TMTC2: variants seen among roughly 807,000 people sequenced by gnomAD.
The protein encoded by TMTC2 is transmembrane O-mannosyltransferase targeting cadherins 2.
In TMTC2, 43 loss-of-function variants were observed where a neutral mutation model predicts 82.4. The ratio of observed to expected loss-of-function variants is 0.52; its 90% CI spans 0.41 to 0.67. The LOEUF is 0.67. TMTC2 is among the 30% of genes least tolerant of loss of function. The pLI is 0.00. For missense variants in TMTC2, 919 were observed against 1,012.4 expected, an observed-to-expected ratio of 0.91 and a Z score of 1.25; for synonymous variants, 408 against 381.9, an observed-to-expected ratio of 1.07 and a Z score of -0.80.
chr12:82,914,891 T>A (rs113952910), intron 3 of TMTC2, among the ~76,000 whole-genome samples: 2 of 149,364 alleles, frequency 1.3e-5, no homozygotes, highest in African/African-American at 4.9e-5. Context: ...AATAGTGCGA[T>A]CTTGGCTCAC....
rs73368058 is a variant in TMTC2 at position 83,108,111 on chromosome 12, T to C, written c.2332-24099T>C. Reference sequence around the variant, plus strand: ...GAGGCCTCCCCAGCCGTGCTTTTTATACAGCCTATAGAACCATGAGCCAAT... The same window carrying C: ...GAGGCCTCCCCAGCCGTGCTTTTTACACAGCCTATAGAACCATGAGCCAAT... On this transcript the variant is annotated intron_variant, in intron 11 of 11. Coordinates refer to ENST00000321196, the MANE Select transcript of TMTC2 (RefSeq NM_152588.3). Among the ~76,000 whole-genome samples the C allele has an allele frequency of 4.1e-3, 618 of 152,292 alleles. 8 individuals are homozygous for C. The highest frequency in any genetic ancestry group is 0.014 in the African/African-American group (592 of 41,556).
rs117177038 is a variant in TMTC2, at chr12:83,011,607, A to C, written c.2071-19191A>C. Among the ~76,000 whole-genome samples, 5 of 152,332 alleles carry C rather than the reference A, an allele frequency of 3.3e-5. No homozygotes were observed. The East Asian group carries it at 7.7e-4, about 23-fold the overall frequency. Reference sequence around the variant, plus strand: ...TTGCCCACAGTATTAAACTTACAGTAACTCCCTAAGTATGTTCCATTCACT... The same window carrying C: ...TTGCCCACAGTATTAAACTTACAGTCACTCCCTAAGTATGTTCCATTCACT... On this transcript the variant is annotated intron_variant, in intron 8 of 11. Transcript: ENST00000321196.
chr12:82,977,500 T>G (rs1454186948), intron 7 of TMTC2, among the ~76,000 whole-genome samples: 1 of 151,800 alleles, frequency 6.6e-6, no homozygotes, highest in Non-Finnish European at 1.5e-5. Flanking sequence ...GGAAGGAAAT[T>G]TGTATAATAG....
At chr12:82,707,116 A>G (rs896102302) in intron 1 of TMTC2, among the ~76,000 whole-genome samples, 4 of 152,222 alleles carry the variant, frequency 2.6e-5, no homozygotes, top group African/African-American at 9.6e-5. Context: ...TATAAACAAC[A>G]GGAATTGATT....
intron 1 of TMTC2, among the ~76,000 whole-genome samples, chr12:82,781,167 A>C (rs530770591): frequency 3.3e-4 from 50 of 152,218 alleles, no homozygotes; most frequent in African/African-American, 1.2e-3. Flanking sequence ...ACAACAAACA[A>C]AATAGGACAC....
intron 1 of TMTC2, among the ~76,000 whole-genome samples, chr12:82,766,004 T>A (rs1303844698): frequency 6.6e-6 from 1 of 152,166 alleles, no homozygotes; most frequent in African/African-American, 2.4e-5. Context: ...TGTATTGCCA[T>A]TTTAAGCCAA....
At chr12:82,793,666 G>A (rs934470857) in intron 1 of TMTC2, among the ~76,000 whole-genome samples, 11 of 152,060 alleles carry the variant, frequency 7.2e-5, no homozygotes, top group Non-Finnish European at 1.5e-4. Flanking sequence ...CCTTCTTCCC[G>A]TGCTGTTAGA....
chr12:83,076,589 G>A (rs983562639), intron 11 of TMTC2, among the ~76,000 whole-genome samples: 5 of 152,176 alleles, frequency 3.3e-5, no homozygotes, highest in Non-Finnish European at 7.3e-5. Flanking sequence ...GTGACTAGTG[G>A]CTGTCAACTT....
At chr12:82,925,495 G>C (rs1875647425) in intron 3 of TMTC2, among the ~76,000 whole-genome samples, 1 of 152,072 alleles carries the variant, frequency 6.6e-6, no homozygotes. Context: ...TTACTTTTTT[G>C]TGCTTCTCAG....
intron 3 of TMTC2, among the ~76,000 whole-genome samples, chr12:82,911,784 A>G (rs1478024966): frequency 1.3e-5 from 2 of 151,722 alleles, no homozygotes; most frequent in African/African-American, 2.4e-5. Flanking sequence ...TAAGTTTTGT[A>G]TTTTTAGTAG....
rs775090401 is a variant in TMTC2, at chr12:82,985,993, A to G, written c.2017A>G (p.Lys673Glu). The stretch of plus-strand genomic sequence containing the variant: ...TTGGTATATGGAATCACTGAGATCC[A>G]AGACTGACCACATCCCTGCTCATCT... ...EHWYMESLRS[K>E]TDHIPAHLTY... The change falls in exon 8 of 12, where the codon AAG becomes GAG. Residue 673 changes from lysine to glutamate, a missense_variant. Physicochemically the swap from Lys to Glu is moderately conservative, Grantham distance 56. Transcript: ENST00000321196. The G allele has an allele frequency of 6.2e-7, 1 of 1,614,046 alleles. No homozygotes were observed. Among genetic ancestry groups the G allele is most frequent in the Non-Finnish European group, 8.5e-7 (1 of 1,179,938 alleles).
At chr12:82,943,269 G>C (rs895049832) in intron 4 of TMTC2, among the ~76,000 whole-genome samples, 1 of 152,164 alleles carries the variant, frequency 6.6e-6, no homozygotes, top group Non-Finnish European at 1.5e-5. Flanking sequence ...AATCCAAGTA[G>C]TATTGGATGA....
At chr12:82,888,051 C>T (rs61931362) in intron 2 of TMTC2, among the ~76,000 whole-genome samples, 13,131 of 151,674 alleles carry the variant, frequency 0.087, 708 homozygotes, top group Admixed American at 0.12. Context: ...TGCATTCCAG[C>T]CTGGGTAACA....
At chr12:82,858,217 A>G (rs1871355714) in intron 2 of TMTC2, among the ~76,000 whole-genome samples, 2 of 152,352 alleles carry the variant, frequency 1.3e-5, no homozygotes, top group South Asian at 2.1e-4. Flanking sequence ...AGTGGTATCC[A>G]GTACAAAGTT....
chr12:82,818,866 C>A (rs776484257), intron 1 of TMTC2, among the ~76,000 whole-genome samples: 17 of 152,018 alleles, frequency 1.1e-4, no homozygotes, highest in Non-Finnish European at 2.1e-4. Flanking sequence ...CACTTGAAGT[C>A]CAGATGGGCA....
chr12:82,843,259 C>A (rs1358006896), intron 1 of TMTC2, among the ~76,000 whole-genome samples: 1 of 151,932 alleles, frequency 6.6e-6, no homozygotes, highest in Admixed American at 6.6e-5. Flanking sequence ...GCTAATTTTT[C>A]TATTTTTAGT....
chr12:82,978,763 T>C (rs916822383), intron 7 of TMTC2, among the ~76,000 whole-genome samples: 9 of 151,938 alleles, frequency 5.9e-5, no homozygotes, highest in Admixed American at 3.9e-4. Flanking sequence ...TTGGATGATC[T>C]GCCCGATGCA....
intron 1 of TMTC2, among the ~76,000 whole-genome samples, chr12:82,719,815 A>G (rs945948509): frequency 6.6e-6 from 1 of 151,912 alleles, no homozygotes; most frequent in Non-Finnish European, 1.5e-5. Context: ...GTAGATTCTT[A>G]CTTAACTGCA....
At chr12:82,918,316 G>A (rs1266192541) in intron 3 of TMTC2, among the ~76,000 whole-genome samples, 2 of 152,192 alleles carry the variant, frequency 1.3e-5, no homozygotes, top group Middle Eastern at 6.3e-3. Flanking sequence ...TGTGATAGAT[G>A]ACTGGCAAGA....
Sources: gnomAD v4.1 joint callset for allele counts (sites outside exome capture counted in the v4.1 genomes callset) on GRCh38, gnomAD v4.1.1 for gene constraint, MANE v1.5 for transcripts, NCBI Gene and HGNC (gene_info 2026-07-23, HGNC 2026-07-21) for gene names.